Variants in SLC7A6 observed in about 807,000 individuals in gnomAD.
The protein encoded by SLC7A6 is solute carrier family 7 member 6.
SLC7A6 carries 29 observed loss-of-function variants against 46.6 expected under a neutral mutation model. That is an observed-to-expected ratio of 0.62 (90% CI 0.46 to 0.85). The LOEUF is 0.85. Ranked by LOEUF, SLC7A6 falls within the 40% of genes least tolerant of loss-of-function variation. The pLI is 0.00. For missense variants in SLC7A6, 527 were observed against 647.6 expected, an observed-to-expected ratio of 0.81 and a Z score of 2.02; for synonymous variants, 276 against 257.3, an observed-to-expected ratio of 1.07 and a Z score of -0.70.
At chr16:68,278,680 A>C (rs1457337059) in intron 3 of SLC7A6, among the ~76,000 whole-genome samples, 1 of 152,222 alleles carries the variant, frequency 6.6e-6, no homozygotes, top group African/African-American at 2.4e-5. Flanking sequence ...TTCTTAGTAC[A>C]GAACAAAATG....
At chr16:68,267,511 G>T (rs2042556057) in intron 2 of SLC7A6, among the ~76,000 whole-genome samples, 1 of 152,070 alleles carries the variant, frequency 6.6e-6, no homozygotes, top group Non-Finnish European at 1.5e-5. Context: ...CACCGCGCCT[G>T]GCCATAACTC....
At chr16:68,286,114 A>C (rs1018486836) in intron 3 of SLC7A6, among the ~76,000 whole-genome samples, 2 of 150,064 alleles carry the variant, frequency 1.3e-5, no homozygotes, top group African/African-American at 4.9e-5. Flanking sequence ...AAAAAAAAAA[A>C]GAAGGAAAGA....
rs923449854 is a variant in SLC7A6, at chr16:68,296,780, C to T, written c.1423C>T (p.Arg475Trp). ...CATGGGTGTTTACCTGCCAGAGTCCCGGAGGCCATTGTTTATTCGGAATGT... is the reference window on the plus strand; with the variant it reads ...CATGGGTGTTTACCTGCCAGAGTCCTGGAGGCCATTGTTTATTCGGAATGT... ...YFMGVYLPES[R>W]RPLFIRNVLA... The change falls in exon 10 of 11, where the codon CGG (arginine) becomes TGG (tryptophan). Residue 475 changes from arginine (R) to tryptophan (W), a missense_variant. Transcript: ENST00000219343. 25 of 1,614,010 alleles carry T rather than the reference C, an allele frequency of 1.5e-5. No individual in the cohort carries two copies. Among genetic ancestry groups the T allele is most frequent in the East Asian group, 1.3e-4 (6 of 44,900 alleles).
intron 3 of SLC7A6, among the ~76,000 whole-genome samples, chr16:68,278,106 A>AC: frequency 6.6e-6 from 1 of 151,362 alleles, no homozygotes. Context: ...ATAGGTGCGC[A>AC]CCACCATGCC....
intron 3 of SLC7A6, chr16:68,287,521 A>G (rs2042961803): frequency 7.0e-7 from 1 of 1,420,874 alleles, no homozygotes; most frequent in South Asian, 1.3e-5. Flanking sequence ...GTGTTCACGC[A>G]TGCCTTCATA....
chr16:68,281,159 C>A (rs1197105285), intron 3 of SLC7A6, among the ~76,000 whole-genome samples: 1 of 152,218 alleles, frequency 6.6e-6, no homozygotes, highest in Non-Finnish European at 1.5e-5. Context: ...GAAGGCACTG[C>A]ACTTTCAGAT....
At position 68,274,826 on chromosome 16, in the gene SLC7A6, AG is replaced by A. The variant is rs2042680383; in HGVS notation, c.102del (p.Arg34SerfsTer8). On this transcript the variant is annotated frameshift_variant, in exon 3 of 11. Transcript: ENST00000219343. LOFTEE classifies it high-confidence loss of function. ...AGAAGATGTCAGCTCGCCACCTCAAAGGTCCTCCGAAACTATGCAGCTGAAG... is the reference window on the plus strand; with the variant it reads ...AGAAGATGTCAGCTCGCCACCTCAAAGTCCTCCGAAACTATGCAGCTGAAG... ...VEEDVSSPPQ[R>X]SSETMQLKKE... 1 of 1,614,016 alleles carries A rather than the reference AG, an allele frequency of 6.2e-7. No homozygotes were observed. The highest frequency in any genetic ancestry group is 1.7e-5 in the Admixed American group (1 of 59,988).
rs140230123 is a variant in SLC7A6 at position 68,297,295 on chromosome 16, C to T, written c.1515C>T (p.Ala505=). ...GTGTCCTGACTGAGCTTGATGTAGCCGAAGAAAAAAAGGATGAGAGGAAAA... is the reference window on the plus strand; with the variant it reads ...GTGTCCTGACTGAGCTTGATGTAGCTGAAGAAAAAAAGGATGAGAGGAAAA... The part of the protein sequence containing the change: ...CFCVLTELDV[A]EEKKDERKTD Residue 505 remains alanine, a synonymous_variant, in exon 11 of 11, where the codon GCC becomes GCT. Transcript: ENST00000219343. 35 of 1,612,856 alleles carry T rather than the reference C, an allele frequency of 2.2e-5. No homozygotes were observed. Among genetic ancestry groups the T allele is most frequent in the Admixed American group, 3.3e-5 (2 of 59,756 alleles).
intron 2 of SLC7A6, among the ~76,000 whole-genome samples, chr16:68,274,369 G>C (rs1208839087): frequency 1.3e-5 from 2 of 152,202 alleles, no homozygotes; most frequent in East Asian, 1.9e-4. Context: ...GGTGAGAACA[G>C]AGCAGAAATC....
In SLC7A6 at chr16:68,298,175, G is replaced by C. The variant is rs940504589; in HGVS notation, c.*847G>C. ...GAGTCAGAAGTCTGTTAATATTGCT[G>C]TTTTGAAGGACAATCCTTTATTTTA... On this transcript the variant is annotated 3_prime_UTR_variant, in exon 11 of 11. Coordinates refer to ENST00000219343, the MANE Select transcript of SLC7A6 (RefSeq NM_003983.6). 1.3e-5 allele frequency: 2 copies of C among 152,666 alleles called. No individual in the cohort carries two copies. The highest frequency in any genetic ancestry group is 4.8e-5 in the African/African-American group (2 of 41,458). The allele number at this position is 152,666 out of a possible 1,614,324, so 9.5% of individuals were successfully genotyped here.
intron 3 of SLC7A6, among the ~76,000 whole-genome samples, chr16:68,282,163 G>T (rs918601868): frequency 8.5e-5 from 13 of 152,232 alleles, no homozygotes; most frequent in Non-Finnish European, 1.6e-4. Flanking sequence ...TGTTCTGAGA[G>T]TGATACGGGG....
intron 5 of SLC7A6, 90 bp downstream of exon 5, chr16:68,290,630 T>G (rs1202736064): frequency 6.9e-7 from 1 of 1,448,794 alleles, no homozygotes; most frequent in Non-Finnish European, 9.6e-7. Flanking sequence ...TCCTCCTCCC[T>G]CCGACTCTCC....
chr16:68,291,406 A>T (rs1003384057), intron 6 of SLC7A6, 74 bp downstream of exon 6: 2 of 1,597,330 alleles, frequency 1.3e-6, no homozygotes, highest in Non-Finnish European at 1.7e-6. Context: ...AGTCTGTCTT[A>T]CTGCACCCTC....
Position 68,296,616 on chromosome 16 carries a change from C to T in SLC7A6, c.1270-11C>T, listed in dbSNP as rs557894971. The T allele has an allele frequency of 4.3e-6, 7 of 1,614,164 alleles. No individual in the cohort carries two copies. The South Asian group carries it at 7.7e-5, about 18-fold the overall frequency. On this transcript the variant is annotated splice_polypyrimidine_tract_variant and intron_variant, in intron 9 of 10. Transcript: ENST00000219343. Reference sequence around the variant, plus strand: ...CCCACGTTACTTAATCTCTCACCCCCTCTATTTCAGCTGAGCGTGTTTTTC... The same window carrying T: ...CCCACGTTACTTAATCTCTCACCCCTTCTATTTCAGCTGAGCGTGTTTTTC...
chr16:68,270,071 C>A (rs1380694027), intron 2 of SLC7A6, among the ~76,000 whole-genome samples: 1 of 152,160 alleles, frequency 6.6e-6, no homozygotes. Context: ...TCCAGCCACC[C>A]TCAGCTTTAG....
chr16:68,281,440 C>T (rs887500651), intron 3 of SLC7A6, among the ~76,000 whole-genome samples: 1 of 152,168 alleles, frequency 6.6e-6, no homozygotes, highest in African/African-American at 2.4e-5. Flanking sequence ...AGAACAGCTT[C>T]TCACAATAAA....
chr16:68,291,085 C>A, intron 5 of SLC7A6, 124 bp from the exon 6 acceptor site: 1 of 1,248,276 alleles, frequency 8.0e-7, no homozygotes, highest in Non-Finnish European at 1.2e-6. Flanking sequence ...GAAGGTGAGC[C>A]TCCCTCAAAG....
At position 68,296,765 on chromosome 16, in the gene SLC7A6, T is replaced by A. The variant is rs766409427; in HGVS notation, c.1408T>A (p.Tyr470Asn). ...AGTCCCTTTCTACTTCATGGGTGTT[T>A]ACCTGCCAGAGTCCCGGAGGCCATT... Reference protein sequence around the residue: ...SGVPFYFMGVYLPESRRPLFI... With the variant: ...SGVPFYFMGVNLPESRRPLFI... The change falls in exon 10 of 11, where the codon TAC (tyrosine) becomes AAC (asparagine). Residue 470 changes from tyrosine (Y) to asparagine (N), a missense_variant. Tyr to Asn is a moderately radical substitution (Grantham distance 143). Transcript: ENST00000219343. 4 of 1,614,208 alleles carry A rather than the reference T, an allele frequency of 2.5e-6. No individual in the cohort carries two copies. The highest frequency in any genetic ancestry group is 2.5e-6 in the Non-Finnish European group (3 of 1,180,038).
Position 68,296,789 on chromosome 16 carries a change from T to A in SLC7A6, c.1432T>A (p.Leu478Met). ...GVYLPESRRP[L>M]FIRNVLAAIT... ...TTACCTGCCAGAGTCCCGGAGGCCA[T>A]TGTTTATTCGGAATGTCCTGGGTGA... Residue 478 changes from leucine to methionine, a missense_variant, in exon 10 of 11, where the codon TTG (leucine) becomes ATG (methionine). Coordinates refer to ENST00000219343, the MANE Select transcript of SLC7A6 (RefSeq NM_003983.6). The A allele has an allele frequency of 1.9e-6, 3 of 1,613,926 alleles. No individual in the cohort carries two copies. The South Asian group carries it at 3.3e-5, about 18-fold the overall frequency.
Sources: allele counts gnomAD v4.1 joint callset (sites outside exome capture counted in the v4.1 genomes callset), GRCh38; gene constraint gnomAD v4.1.1; transcripts MANE v1.5; gene names NCBI Gene and HGNC (gene_info 2026-07-23, HGNC 2026-07-21).